SLCO1A2: variants seen among roughly 807,000 people sequenced by gnomAD.
SLCO1A2 encodes the protein solute carrier organic anion transporter family member 1A2.
A neutral mutation model predicts 69.0 loss-of-function variants in SLCO1A2; 67 were observed. The ratio of observed to expected loss-of-function variants is 0.97; its 90% CI spans 0.80 to 1.19. The LOEUF (loss-of-function observed/expected upper bound fraction) is 1.19, where lower values mean the gene tolerates loss of function less well. Ranked by LOEUF, SLCO1A2 falls within the 50% of genes most tolerant of loss-of-function variation. The probability of loss-of-function intolerance (pLI) is 0.00; values close to 1 mark genes in which losing one functional copy is unlikely to be tolerated. For missense variants in SLCO1A2, 787 were observed against 793.7 expected (o/e 0.99, Z 0.10); for synonymous variants, 260 against 265.9 (o/e 0.98, Z 0.22).
chr12:21,400,106 G>A (rs1163350239), upstream of SLCO1A2, among the ~76,000 whole-genome samples: 316 of 151,494 alleles, frequency 2.1e-3, 1 homozygote, highest in Non-Finnish European at 4.0e-3. Context: ...AAAATGGGAG[G>A]AAATTTTCGC....
At chr12:21,416,504 A>T (rs1941991244) in intron 1 of SLCO1A2, among the ~76,000 whole-genome samples, 1 of 152,002 alleles carries the variant, frequency 6.6e-6, no homozygotes, top group Non-Finnish European at 1.5e-5. Flanking sequence ...TAACATTGTA[A>T]TTCCCCAAAC....
Position 21,267,782 on chromosome 12 carries a change from TCTC to T in SLCO1A2, c.*1763_*1765del, listed in dbSNP as rs1942234837. The T allele has an allele frequency of 6.6e-6, 1 of 152,054 alleles. No individual in the cohort carries two copies. 9.4% of individuals were successfully genotyped at this position (152,054 alleles called of 1,614,324 possible). On this transcript the variant is annotated 3_prime_UTR_variant, in exon 15 of 15. Coordinates refer to ENST00000683939, the MANE Select transcript of SLCO1A2 (RefSeq NM_001386879.1). Reference sequence around the variant, plus strand: ...GCTCTGTGAATATAGGTAAGTCTCTTCTCCTTGTTTTAGTTTCCAGGCCATTCT... The same window carrying T: ...GCTCTGTGAATATAGGTAAGTCTCTTCTTGTTTTAGTTTCCAGGCCATTCT...
chr12:21,386,242 G>A (rs1940871310), intron 1 of SLCO1A2, among the ~76,000 whole-genome samples: 1 of 151,882 alleles, frequency 6.6e-6, no homozygotes, highest in Non-Finnish European at 1.5e-5. Context: ...TACATTTCTT[G>A]GCTTATTTTT....
intron 3 of SLCO1A2, among the ~76,000 whole-genome samples, chr12:21,315,623 A>G (rs1438733218): frequency 6.6e-6 from 1 of 151,960 alleles, no homozygotes; most frequent in Non-Finnish European, 1.5e-5. Flanking sequence ...TTCCACCTGT[A>G]TTTTTCTCTA....
intron 2 of SLCO1A2, among the ~76,000 whole-genome samples, chr12:21,369,455 T>G (rs1238296696): frequency 6.6e-6 from 1 of 152,240 alleles, no homozygotes; most frequent in Non-Finnish European, 1.5e-5. Context: ...AATTTGTCTT[T>G]CACTCTGCAC....
intron 2 of SLCO1A2, among the ~76,000 whole-genome samples, chr12:21,322,158 G>C (rs759099156): frequency 6.6e-6 from 1 of 152,192 alleles, no homozygotes. Flanking sequence ...ACCCTAAGCC[G>C]AGTGGCTTAT....
At chr12:21,342,801 T>G (rs925725479) in intron 2 of SLCO1A2, among the ~76,000 whole-genome samples, 1 of 152,092 alleles carries the variant, frequency 6.6e-6, no homozygotes, top group African/African-American at 2.4e-5. Flanking sequence ...TATTTGTAAC[T>G]AACATCTTTG....
At chr12:21,296,082 C>A (rs1280672843) in intron 9 of SLCO1A2, among the ~76,000 whole-genome samples, 4 of 152,240 alleles carry the variant, frequency 2.6e-5, no homozygotes, top group African/African-American at 9.6e-5. Context: ...TGATAAAAAT[C>A]TCTTTTCTTA....
chr12:21,300,337 T>A lies in SLCO1A2; in HGVS notation c.910+11A>T. ...GGTCAATTTCATAGTATTTAGAATA[T>A]GTATATTTGCCTTTAGTGATTCCAT... is the stretch of plus-strand genomic sequence containing the variant. On this transcript the variant is annotated intron_variant, in intron 8 of 14. Transcript: ENST00000683939. 6.4e-7 allele frequency: 1 copy of A among 1,556,438 alleles called. No individual in the cohort carries two copies. Among genetic ancestry groups the A allele is most frequent in the Non-Finnish European group, 8.8e-7 (1 of 1,130,738 alleles).
upstream of SLCO1A2, among the ~76,000 whole-genome samples, chr12:21,337,047 G>A (rs1428618754): frequency 6.6e-6 from 1 of 152,014 alleles, no homozygotes; most frequent in Non-Finnish European, 1.5e-5. Flanking sequence ...TCTGTGTTGT[G>A]TTGTTTTTCT....
chr12:21,293,581 GTGTATATATATA>G (rs1323372533), intron 11 of SLCO1A2, among the ~76,000 whole-genome samples: 1 of 150,304 alleles, frequency 6.7e-6, no homozygotes, highest in East Asian at 1.9e-4. Flanking sequence ...ATATATATGT[GTGTATATATATA>G]TGTATATATA....
chr12:21,273,194 T>A (rs1943184318), intron 14 of SLCO1A2, among the ~76,000 whole-genome samples: 1 of 152,124 alleles, frequency 6.6e-6, no homozygotes, highest in South Asian at 2.1e-4. Flanking sequence ...GAAATCCCAA[T>A]CTTTCTTTTA....
At chr12:21,373,749 A>AT in intron 2 of SLCO1A2, 1 of 696,254 alleles carries the variant, frequency 1.4e-6, no homozygotes, top group South Asian at 1.5e-5. Flanking sequence ...AATTTCTTCT[A>AT]TATTAACCTG....
At chr12:21,287,926 G>A (rs1946196738) in intron 12 of SLCO1A2, among the ~76,000 whole-genome samples, 1 of 133,242 alleles carries the variant, frequency 7.5e-6, no homozygotes, top group African/African-American at 2.9e-5. Flanking sequence ...ACGAGTTAGT[G>A]GGTGCAGCGC....
At chr12:21,369,352 G>T (rs1939621197) in intron 2 of SLCO1A2, among the ~76,000 whole-genome samples, 1 of 152,116 alleles carries the variant, frequency 6.6e-6, no homozygotes, top group African/African-American at 2.4e-5. Context: ...AAGGCCTCAT[G>T]ATCTCACTGA....
chr12:21,396,278 G>T (rs1441457254), upstream of SLCO1A2, among the ~76,000 whole-genome samples: 1 of 151,316 alleles, frequency 6.6e-6, no homozygotes, highest in Non-Finnish European at 1.5e-5. Context: ...ATCAGCGATG[G>T]AAGATGAAAT....
At chr12:21,418,712 A>G, upstream of SLCO1A2, among the ~76,000 whole-genome samples, 1 of 152,092 alleles carries the variant, frequency 6.6e-6, no homozygotes, top group Non-Finnish European at 1.5e-5. Context: ...GAATTATGGG[A>G]GCTACAACTC....
At chr12:21,270,032 T>G (rs1279594865) in intron 14 of SLCO1A2, among the ~76,000 whole-genome samples, 1 of 151,778 alleles carries the variant, frequency 6.6e-6, no homozygotes, top group Non-Finnish European at 1.5e-5. Flanking sequence ...AACTAACTAG[T>G]TTTTCATTGA....
At position 21,269,127 on chromosome 12, in the gene SLCO1A2, A is replaced by T. The variant is rs563880381; in HGVS notation, c.*421T>A. 1 of 153,890 alleles carries T rather than the reference A, an allele frequency of 6.5e-6. No individual in the cohort carries two copies. Among genetic ancestry groups the T allele is most frequent in the South Asian group, 2.0e-4 (1 of 4,958 alleles). 9.5% of individuals were successfully genotyped at this position (153,890 alleles called of 1,614,324 possible). On this transcript the variant is annotated 3_prime_UTR_variant, in exon 15 of 15. Coordinates refer to ENST00000683939, the MANE Select transcript of SLCO1A2 (RefSeq NM_001386879.1). ...AGCGATAAACTTGAATAAAATATTT[A>T]AATCTTCACATAACAGAATGAGAAT...
Sources: gnomAD v4.1 joint callset for allele counts (sites outside exome capture counted in the v4.1 genomes callset) on GRCh38, gnomAD v4.1.1 for gene constraint, MANE v1.5 for transcripts, NCBI Gene and HGNC (gene_info 2026-07-23, HGNC 2026-07-21) for gene names.